C1orf232: variants seen among roughly 807,000 people sequenced by gnomAD.
The protein encoded by C1orf232 is uncharacterized protein C1orf232.
A neutral mutation model predicts 12.1 loss-of-function variants in C1orf232; 10 were observed. The observed-to-expected ratio is 0.82, with a 90% CI of 0.51 to 1.40. The LOEUF (loss-of-function observed/expected upper bound fraction) is 1.40, where lower values mean the gene tolerates loss of function less well. Ranked by LOEUF, C1orf232 falls within the 40% of genes most tolerant of loss-of-function variation. C1orf232 has a pLI of 0.00. For missense variants in C1orf232, 88 were observed against 98.4 expected (o/e 0.89, Z 0.45); for synonymous variants, 36 against 39.8 (o/e 0.90, Z 0.36).
In C1orf232 at chr1:26,165,536, G is replaced by A. The variant is rs146451270; in HGVS notation, c.266+290C>T. 2.2e-4 allele frequency among the ~76,000 whole-genome samples: 34 copies of A among 152,288 alleles called. No homozygotes were observed. The East Asian group carries it at 6.2e-3, about 28-fold the overall frequency. On this transcript the variant is annotated intron_variant, in intron 3 of 3. Coordinates refer to ENST00000634842, the MANE Select transcript of C1orf232 (RefSeq NM_001364669.2). ...TTGCAAACACCTAAAGGTATTCTGC[G>A]TTCTTGGATTTTAGAGAGATGGCCC...
Position 26,166,778 on chromosome 1 carries a change from T to C in C1orf232, c.85-660A>G, listed in dbSNP as rs1313902167. On this transcript the variant is annotated intron_variant, in intron 1 of 3. Transcript: ENST00000634842. ...CACCTGTACATAGACATACGTGTTG[T>C]GAAGCACCTATACAAGGACACACAC... Among the ~76,000 whole-genome samples the C allele has an allele frequency of 2.0e-5, 3 of 152,300 alleles. No individual in the cohort carries two copies. In the East Asian group the frequency reaches 5.8e-4, roughly 29 times the overall value.
At chr1:26,168,274 A>T (rs940722459) in intron 1 of C1orf232, 142 bp downstream of exon 1, 4 of 506,174 alleles carry the variant, frequency 7.9e-6, no homozygotes, top group African/African-American at 4.0e-5. Context: ...ATGCTGCACC[A>T]TGGTTTTTAC....
chr1:26,165,090 G>T (rs2088412090), intron 3 of C1orf232, among the ~76,000 whole-genome samples: 2 of 147,734 alleles, frequency 1.4e-5, no homozygotes, highest in Admixed American at 6.9e-5. Flanking sequence ...AGTCCAGGAA[G>T]TTCCTTGGGG....
chr1:26,166,325 T>C (rs192975577), intron 1 of C1orf232, among the ~76,000 whole-genome samples: 5 of 149,680 alleles, frequency 3.3e-5, no homozygotes, highest in Non-Finnish European at 7.4e-5. Flanking sequence ...ACCCTTTTTT[T>C]CCTTTGTGTG....
Position 26,164,446 on chromosome 1 carries a change from C to A in C1orf232, c.276G>T (p.Ala92=), listed in dbSNP as rs1181877136. Residue 92 remains alanine, a synonymous_variant, in exon 4 of 4, where the codon GCG becomes GCT. Coordinates refer to ENST00000634842, the MANE Select transcript of C1orf232 (RefSeq NM_001364669.2). The surrounding 1 kb of genome is among the most constrained non-coding windows in gnomAD (Gnocchi z 4.2). ...PSEPCADHPL[A]ARPPSQAAAA... ...CCGCCGCCTGCGAGGGGGGTCGCGC[C>A]GCCAGAGGGCTGCGGGAGAGGGCCG... 2 of 378,188 alleles carry A rather than the reference C, an allele frequency of 5.3e-6. No individual in the cohort carries two copies. The highest frequency in any genetic ancestry group is 9.4e-6 in the Non-Finnish European group (2 of 213,066). The allele number at this position is 378,188 out of a possible 1,614,324, so 23.4% of individuals were successfully genotyped here.
chr1:26,166,028 T>C lies in C1orf232; in HGVS notation c.168+7A>G, dbSNP rs1365103759. The C allele has an allele frequency of 4.9e-6, 6 of 1,231,448 alleles. No individual in the cohort carries two copies. In the South Asian group the frequency reaches 1.2e-4, roughly 25 times the overall value. 76.3% of individuals were successfully genotyped at this position (1,231,448 alleles called of 1,614,324 possible). ...AGGGTTGGGGTGGAAGAAGGGAGAA[T>C]ACTCACCCGGCGGGCCAGCTGTGAC... On this transcript the variant is annotated splice_region_variant and intron_variant, in intron 2 of 3. Transcript: ENST00000634842.
At chr1:26,166,213 C>T in intron 1 of C1orf232, 95 bp from the exon 2 acceptor site, 2 of 876,874 alleles carry the variant, frequency 2.3e-6, no homozygotes, top group Non-Finnish European at 3.0e-6. Context: ...GACCAGGCAC[C>T]CCAAATCCCA....
chr1:26,165,566 C>T, intron 3 of C1orf232: 1 of 484,648 alleles, frequency 2.1e-6, no homozygotes, highest in South Asian at 1.1e-4. Context: ...TGGCCCCTCC[C>T]AAGCGGATGG....
intron 1 of C1orf232, among the ~76,000 whole-genome samples, chr1:26,166,873 C>CAAAA (rs968030501): frequency 6.6e-6 from 1 of 152,210 alleles, no homozygotes; most frequent in African/African-American, 2.4e-5. Context: ...CCACAACACA[C>CAAAA]AAAACCTCTC....
chr1:26,166,482 A>G (rs948139707), intron 1 of C1orf232, among the ~76,000 whole-genome samples: 1 of 151,956 alleles, frequency 6.6e-6, no homozygotes, highest in African/African-American at 2.4e-5. Flanking sequence ...CCGCCCTGCT[A>G]ATTTTTGTAT....
At chr1:26,165,441 G>C (rs1569855923) in intron 3 of C1orf232, among the ~76,000 whole-genome samples, 1 of 152,176 alleles carries the variant, frequency 6.6e-6, no homozygotes, top group East Asian at 1.9e-4. Context: ...CCAAGAATAT[G>C]TTTGTGACAC....
intron 1 of C1orf232, among the ~76,000 whole-genome samples, chr1:26,166,768 A>G (rs145644579): frequency 2.0e-5 from 3 of 152,318 alleles, no homozygotes; most frequent in African/African-American, 7.2e-5. Flanking sequence ...GTACATAGAC[A>G]TACGTGTTGT....
chr1:26,168,428 G>C lies in C1orf232; in HGVS notation c.72C>G (p.Asp24Glu), dbSNP rs2088449087. The C allele has an allele frequency of 8.1e-7, 1 of 1,231,884 alleles. No homozygotes were observed. The highest frequency in any genetic ancestry group is 1.0e-6 in the Non-Finnish European group (1 of 988,104). 76.3% of individuals were successfully genotyped at this position (1,231,884 alleles called of 1,614,324 possible). ...GGATGGCACCCACCTCCTCTGCCAG[G>C]TCTTCTTCAGATTCCCCACTCAGGG... ...LQTLSGESEE[D>E]LAEERENPAL... Residue 24 changes from aspartate to glutamate, a missense_variant, in exon 1 of 4, where the codon GAC becomes GAG. Transcript: ENST00000634842.
chr1:26,165,050 G>C (rs2088411833), intron 3 of C1orf232, among the ~76,000 whole-genome samples: 1 of 151,068 alleles, frequency 6.6e-6, no homozygotes, highest in Non-Finnish European at 1.5e-5. Context: ...CAGTCACGGA[G>C]AGGTGATGAA....
At position 26,166,995 on chromosome 1, in the gene C1orf232, C is replaced by T. The variant is rs564606194; in HGVS notation, c.85-877G>A. On this transcript the variant is annotated intron_variant, in intron 1 of 3. Coordinates refer to ENST00000634842, the MANE Select transcript of C1orf232 (RefSeq NM_001364669.2). ...CAAAATGTTCACACCTTCACATACA[C>T]TTTCACTGGGGATTCCACCCAGATA... Among the ~76,000 whole-genome samples, 168 of 152,358 alleles carry T rather than the reference C, an allele frequency of 1.1e-3. 8 individuals carry two copies. In the South Asian group the frequency reaches 0.034, roughly 31 times the overall value.
Position 26,165,846 on chromosome 1 carries a change from T to A in C1orf232, c.246A>T (p.Pro82=). 8.1e-7 allele frequency: 1 copy of A among 1,231,764 alleles called. No individual in the cohort carries two copies. The highest frequency in any genetic ancestry group is 1.0e-6 in the Non-Finnish European group (1 of 987,988). The allele number at this position is 1,231,764 out of a possible 1,614,324, so 76.3% of individuals were successfully genotyped here. ...FNKEDEDKLL[P]SEPCADHPLA... ...CATACTGGTCAGCGCAAGGCTCTGA[T>A]GGCAGCAGCTTATCTTCATCTTCTT... is the stretch of plus-strand genomic sequence containing the variant. Residue 82 remains proline (P), a synonymous_variant, in exon 3 of 4, where the codon CCA becomes CCT. Coordinates refer to ENST00000634842, the MANE Select transcript of C1orf232 (RefSeq NM_001364669.2).
In C1orf232 at chr1:26,166,125, C is replaced by G. The variant is rs1340612346; in HGVS notation, c.85-7G>C. On this transcript the variant is annotated splice_polypyrimidine_tract_variant and splice_region_variant and intron_variant, in intron 1 of 3. Coordinates refer to ENST00000634842, the MANE Select transcript of C1orf232 (RefSeq NM_001364669.2). The stretch of plus-strand genomic sequence containing the variant: ...CTAATGCTGGGTTCTCCCTCTGGGA[C>G]ACAAGACCCCCACACAGCATGAGAG... The G allele has an allele frequency of 1.6e-6, 2 of 1,231,524 alleles. No homozygotes were observed. Among genetic ancestry groups the G allele is most frequent in the African/African-American group, 1.6e-5 (1 of 64,384 alleles). The allele number at this position is 1,231,524 out of a possible 1,614,324, so 76.3% of individuals were successfully genotyped here.
intron 1 of C1orf232, 51 bp downstream of exon 1, chr1:26,168,365 C>T: frequency 8.3e-7 from 1 of 1,199,942 alleles, no homozygotes; most frequent in Non-Finnish European, 1.0e-6. Context: ...ACTGCTCATT[C>T]CTGCTGCCCC....
At chr1:26,165,405 C>A (rs1021492801) in intron 3 of C1orf232, among the ~76,000 whole-genome samples, 2 of 152,112 alleles carry the variant, frequency 1.3e-5, no homozygotes, top group South Asian at 4.2e-4. Flanking sequence ...GCCACACCAG[C>A]GAAATCGGAG....
Sources: allele counts gnomAD v4.1 joint callset (sites outside exome capture counted in the v4.1 genomes callset), GRCh38; gene constraint gnomAD v4.1.1; non-coding constraint Gnocchi (gnomAD v3.1); transcripts MANE v1.5; gene names NCBI Gene and HGNC (gene_info 2026-07-23, HGNC 2026-07-21).